SYNPO2: variants seen among roughly 807,000 people sequenced by gnomAD.
SYNPO2 encodes the protein synaptopodin 2.
A neutral mutation model predicts 85.0 loss-of-function variants in SYNPO2; 56 were observed. The observed-to-expected ratio is 0.66, with a 90% CI of 0.53 to 0.82. The LOEUF (loss-of-function observed/expected upper bound fraction) is 0.82, where lower values mean the gene tolerates loss of function less well. SYNPO2 is among the 40% of genes least tolerant of loss of function. The probability of loss-of-function intolerance (pLI) is 0.00; values close to 1 mark genes in which losing one functional copy is unlikely to be tolerated. For synonymous variants in SYNPO2, 602 were observed against 591.1 expected (o/e 1.02, Z -0.27); for missense variants, 1,575 against 1,534.2 (o/e 1.03, Z -0.44).
chr4:118,871,621 T>C (rs1398268556), intron 1 of SYNPO2, among the ~76,000 whole-genome samples: 1 of 149,848 alleles, frequency 6.7e-6, no homozygotes, highest in African/African-American at 2.5e-5. Context: ...CAGGCTGGAG[T>C]GCAGTGGCAC....
chr4:118,941,091 C>G (rs1388332564), intron 1 of SYNPO2, among the ~76,000 whole-genome samples: 1 of 152,176 alleles, frequency 6.6e-6, no homozygotes, highest in Non-Finnish European at 1.5e-5. Flanking sequence ...TGTCGACTTT[C>G]ATGTCTAACA....
At chr4:118,881,551 C>G (rs1732100383) in intron 1 of SYNPO2, among the ~76,000 whole-genome samples, 1 of 152,186 alleles carries the variant, frequency 6.6e-6, no homozygotes. Flanking sequence ...CTTTCTTATG[C>G]CCCGAGGGGG....
chr4:118,889,036 C>A lies in SYNPO2; in HGVS notation c.-1C>A. ...TCATGCTGCCCAACTAAAAGGAAAA[C>A]ATGGGCACAGGGGATTTTATCTGCA... On this transcript the variant is annotated 5_prime_UTR_variant, in exon 1 of 5. Transcript: ENST00000307142. 1 of 1,614,094 alleles carries A rather than the reference C, an allele frequency of 6.2e-7. No homozygotes were observed.
In SYNPO2 at chr4:119,031,541, T is replaced by A. The variant is rs1036698710; in HGVS notation, c.2766T>A (p.Pro922=). 5 of 1,614,158 alleles carry A rather than the reference T, an allele frequency of 3.1e-6. No individual in the cohort carries two copies. Among genetic ancestry groups the A allele is most frequent in the Non-Finnish European group, 4.2e-6 (5 of 1,180,036 alleles). Residue 922 remains proline (P), a synonymous_variant, in exon 4 of 5, where the codon CCT becomes CCA. Transcript: ENST00000307142. ...CCTCCAATGTCCGAGCACCTCCTCC[T>A]GTGGCCTATAATCCTATCCACTCGC... ...KYSSNVRAPP[P]VAYNPIHSPS...
intron 4 of SYNPO2, chr4:119,036,085 T>A (rs1371331238): frequency 2.0e-6 from 2 of 985,280 alleles, no homozygotes; most frequent in African/African-American, 3.5e-5. Context: ...AAACTAGGGC[T>A]CCTGCAAGCA....
At chr4:119,037,383 G>GA (rs936136426) in intron 4 of SYNPO2, 1,203 of 1,177,848 alleles carry the variant, frequency 1.0e-3, no homozygotes, top group East Asian at 3.5e-3. Flanking sequence ...GCCCTGAGTT[G>GA]AAAAAAAAAA....
rs190801775 is a variant in SYNPO2 at position 118,966,869 on chromosome 4, G to A, written c.106-56561G>A. Among the ~76,000 whole-genome samples, 19 of 152,294 alleles carry A rather than the reference G, an allele frequency of 1.2e-4. No homozygotes were observed. The East Asian group carries it at 3.5e-3, about 28-fold the overall frequency. On this transcript the variant is annotated intron_variant, in intron 1 of 4. Coordinates refer to ENST00000307142, the MANE Select transcript of SYNPO2 (RefSeq NM_133477.3). ...ATCTGAATCTACTCATGTACTTGAA[G>A]AGCAGGTCAGCAGGTCCTTCCTTAC...
chr4:119,041,662 A>G (rs1349525490), intron 4 of SYNPO2, among the ~76,000 whole-genome samples: 1 of 152,266 alleles, frequency 6.6e-6, no homozygotes, highest in Admixed American at 6.5e-5. Context: ...AATAAACAGC[A>G]ACACTAAATA....
At chr4:119,050,752 A>G (rs1441301611) in intron 4 of SYNPO2, among the ~76,000 whole-genome samples, 3 of 152,182 alleles carry the variant, frequency 2.0e-5, no homozygotes, top group Non-Finnish European at 4.4e-5. Flanking sequence ...CCAGCTAAAG[A>G]TTGGCGTGTG....
intron 1 of SYNPO2, among the ~76,000 whole-genome samples, chr4:118,882,992 A>G (rs867043673): frequency 4.6e-5 from 7 of 150,584 alleles, no homozygotes; most frequent in Middle Eastern, 7.0e-3. Context: ...CGATCTCCTG[A>G]CCTCGTGATC....
chr4:119,020,256 T>A lies in SYNPO2; in HGVS notation c.106-3174T>A, dbSNP rs887694482. 7.9e-5 allele frequency among the ~76,000 whole-genome samples: 12 copies of A among 152,264 alleles called. No individual in the cohort carries two copies. The South Asian group carries it at 2.5e-3, about 32-fold the overall frequency. The stretch of plus-strand genomic sequence containing the variant: ...CTTGAGGGAAAAATATTTCTTGTTA[T>A]TCAGATGAATGTGAAAGTTCAGTGA... On this transcript the variant is annotated intron_variant, in intron 1 of 4. Transcript: ENST00000307142.
chr4:118,909,553 C>T (rs1733063126), intron 1 of SYNPO2, among the ~76,000 whole-genome samples: 2 of 152,218 alleles, frequency 1.3e-5, no homozygotes, highest in Non-Finnish European at 2.9e-5. Flanking sequence ...ATGTGGGACA[C>T]AGCACTGTGG....
Position 119,058,112 on chromosome 4 carries a change from A to T in SYNPO2, c.*178A>T. ...TGTGTGTGTGTATGTATGTGAATATACACACACACACACACACAGGTGAGT... is the reference window on the plus strand; with the variant it reads ...TGTGTGTGTGTATGTATGTGAATATTCACACACACACACACACAGGTGAGT... On this transcript the variant is annotated 3_prime_UTR_variant, in exon 5 of 5. Transcript: ENST00000307142. 3.3e-5 allele frequency: 5 copies of T among 153,112 alleles called. No individual in the cohort carries two copies. The highest frequency in any genetic ancestry group is 4.6e-5 in the Non-Finnish European group (4 of 87,360). 9.5% of individuals were successfully genotyped at this position (153,112 alleles called of 1,614,324 possible).
intron 1 of SYNPO2, among the ~76,000 whole-genome samples, chr4:118,989,891 G>A (rs536901264): frequency 7.2e-5 from 11 of 152,236 alleles, no homozygotes; most frequent in Non-Finnish European, 1.3e-4. Flanking sequence ...AAAGACCCCC[G>A]TCCATCAGTA....
At chr4:118,914,580 G>T (rs1430501338) in intron 1 of SYNPO2, among the ~76,000 whole-genome samples, 1 of 152,116 alleles carries the variant, frequency 6.6e-6, no homozygotes. Flanking sequence ...CCACACATTT[G>T]ATATCTGGGA....
Position 119,031,224 on chromosome 4 carries a change from C to G in SYNPO2, c.2449C>G (p.Arg817Gly). 6.2e-7 allele frequency: 1 copy of G among 1,614,142 alleles called. No homozygotes were observed. The highest frequency in any genetic ancestry group is 8.5e-7 in the Non-Finnish European group (1 of 1,180,032). Residue 817 changes from arginine (R) to glycine (G), a missense_variant, in exon 4 of 5, where the codon CGG becomes GGG. Physicochemically the swap from Arg to Gly is moderately radical, Grantham distance 125 (BLOSUM62 -2). Coordinates refer to ENST00000307142, the MANE Select transcript of SYNPO2 (RefSeq NM_133477.3). ...AGCCCAGCCTTCTTACCCTCCTGCC[C>G]GGCCTGCAAGTACTTTGAACGTGGC... is the stretch of plus-strand genomic sequence containing the variant. ...KIAQPSYPPA[R>G]PASTLNVAGP...
intron 1 of SYNPO2, among the ~76,000 whole-genome samples, chr4:118,997,272 A>G (rs1440203326): frequency 1.3e-5 from 2 of 151,692 alleles, no homozygotes; most frequent in African/African-American, 4.8e-5. Context: ...AAGAAAATGT[A>G]ATGAGGTAGG....
intron 1 of SYNPO2, among the ~76,000 whole-genome samples, chr4:118,869,694 A>G (rs145504332): frequency 2.0e-5 from 3 of 152,312 alleles, no homozygotes; most frequent in African/African-American, 7.2e-5. Flanking sequence ...GCCTGGATAT[A>G]CAATACAGTG....
intron 1 of SYNPO2, among the ~76,000 whole-genome samples, chr4:118,909,314 T>C (rs1733055361): frequency 1.3e-5 from 2 of 152,148 alleles, no homozygotes; most frequent in Non-Finnish European, 2.9e-5. Flanking sequence ...GTCTTGGTAA[T>C]AGGGCTGGTC....
Sources: gnomAD v4.1 joint callset for allele counts (sites outside exome capture counted in the v4.1 genomes callset) on GRCh38, gnomAD v4.1.1 for gene constraint, MANE v1.5 for transcripts, NCBI Gene and HGNC (gene_info 2026-07-23, HGNC 2026-07-21) for gene names.